The following RASSF6 variants were observed in gnomAD, a reference collection of about 807,000 sequenced individuals.
RASSF6 encodes the protein Ras association domain family member 6.
A neutral mutation model predicts 44.0 loss-of-function variants in RASSF6; 52 were observed. The ratio of observed to expected loss-of-function variants is 1.18; its 90% CI spans 0.95 to 1.49. The LOEUF (loss-of-function observed/expected upper bound fraction) is 1.49. Ranked by LOEUF, RASSF6 falls within the 40% of genes most tolerant of loss-of-function variation. The pLI, the probability that RASSF6 is intolerant of heterozygous loss-of-function variation, is 0.00. For synonymous variants in RASSF6, 162 were observed against 124.6 expected, an observed-to-expected ratio of 1.30 and a Z score of -2.00; for missense variants, 464 against 393.3, an observed-to-expected ratio of 1.18 and a Z score of -1.52.
chr4:73,618,803 A>G (rs954050900), intron 1 of RASSF6, among the ~76,000 whole-genome samples: 3 of 152,202 alleles, frequency 2.0e-5, no homozygotes, highest in African/African-American at 7.2e-5. Flanking sequence ...AAACTCTTTG[A>G]CTGCTTTATT....
chr4:73,603,949 G>C (rs1021964533), intron 2 of RASSF6: 4 of 152,108 alleles, frequency 2.6e-5, no homozygotes, highest in Admixed American at 2.0e-4. Flanking sequence ...TCTTTACAAA[G>C]TGATTCTTAC....
At chr4:73,604,474 AAAAACAAAACAAAAC>A (rs370090909) in intron 2 of RASSF6, 122 of 152,246 alleles carry the variant, frequency 8.0e-4, no homozygotes, top group African/African-American at 2.9e-3. Context: ...TCTGTCTCAA[AAAAACAAAACAAAAC>A]AAAACAAAAC....
At chr4:73,617,454 G>A (rs1004376223) in intron 1 of RASSF6, among the ~76,000 whole-genome samples, 1 of 152,152 alleles carries the variant, frequency 6.6e-6, no homozygotes, top group Non-Finnish European at 1.5e-5. Context: ...GCATCTTCTG[G>A]AATTACTGGT....
Position 73,575,755 on chromosome 4 carries a change from A to G in RASSF6, c.*480T>C, listed in dbSNP as rs545477171. The G allele has an allele frequency of 1.3e-5, 2 of 152,476 alleles. No homozygotes were observed. The highest frequency in any genetic ancestry group is 3.9e-4 in the East Asian group (2 of 5,194). 9.4% of individuals were successfully genotyped at this position (152,476 alleles called of 1,614,324 possible). ...GCCATTTAAGATAGTCCTAGATTTT[A>G]TGAAAATGCCAGAGTTTTCAAGAAG... On this transcript the variant is annotated 3_prime_UTR_variant, in exon 11 of 11. Transcript: ENST00000307439.
At chr4:73,609,815 G>A (rs1481056189) in intron 2 of RASSF6, among the ~76,000 whole-genome samples, 1 of 152,156 alleles carries the variant, frequency 6.6e-6, no homozygotes, top group African/African-American at 2.4e-5. Context: ...TCTGGTGACA[G>A]CCTGGCAGAG....
intron 4 of RASSF6, among the ~76,000 whole-genome samples, chr4:73,588,235 A>G (rs898009395): frequency 6.6e-6 from 1 of 152,088 alleles, no homozygotes; most frequent in African/African-American, 2.4e-5. Flanking sequence ...GAATTAGTAG[A>G]AACCAAGATG....
chr4:73,618,181 TTC>T (rs1449459390), intron 1 of RASSF6, among the ~76,000 whole-genome samples: 1 of 151,518 alleles, frequency 6.6e-6, no homozygotes, highest in Non-Finnish European at 1.5e-5. Context: ...TTTTCTCTCT[TTC>T]TCTCTCTCTC....
intron 8 of RASSF6, among the ~76,000 whole-genome samples, chr4:73,578,699 C>A (rs999088290): frequency 2.6e-5 from 4 of 151,198 alleles, no homozygotes; most frequent in South Asian, 2.1e-4. Flanking sequence ...ACCTCCGCCT[C>A]CTGAGTTCAA....
At chr4:73,590,178 T>C (rs1560447349) in intron 4 of RASSF6, among the ~76,000 whole-genome samples, 1 of 152,172 alleles carries the variant, frequency 6.6e-6, no homozygotes, top group East Asian at 1.9e-4. Context: ...TAACAAGTGG[T>C]CAGAGCTCAA....
chr4:73,594,437 G>A (rs982079912), intron 3 of RASSF6, among the ~76,000 whole-genome samples: 1 of 152,138 alleles, frequency 6.6e-6, no homozygotes, highest in African/African-American at 2.4e-5. Context: ...TCCAGACTCT[G>A]GAATCAGACA....
At chr4:73,593,086 G>T (rs1724681317) in intron 4 of RASSF6, among the ~76,000 whole-genome samples, 1 of 150,588 alleles carries the variant, frequency 6.6e-6, no homozygotes, top group Non-Finnish European at 1.5e-5. Context: ...CGCAATCTCG[G>T]CTCACTGCAA....
At chr4:73,586,624 T>G (rs1724116373) in intron 5 of RASSF6, among the ~76,000 whole-genome samples, 1 of 152,014 alleles carries the variant, frequency 6.6e-6, no homozygotes. Context: ...TTTAAAAAAT[T>G]TTCTACTGTA....
chr4:73,616,107 C>A (rs886353675), intron 1 of RASSF6, among the ~76,000 whole-genome samples: 1 of 152,166 alleles, frequency 6.6e-6, no homozygotes, highest in African/African-American at 2.4e-5. Flanking sequence ...GTGCTAGGCA[C>A]AGAAAGTATA....
intron 2 of RASSF6, among the ~76,000 whole-genome samples, chr4:73,607,252 A>G (rs1316990518): frequency 6.6e-6 from 1 of 152,174 alleles, no homozygotes; most frequent in Non-Finnish European, 1.5e-5. Flanking sequence ...CCACACCGTT[A>G]TGGCAGGTTA....
In RASSF6 at chr4:73,582,184, G is replaced by T. The variant is rs757982104; in HGVS notation, c.669+5C>A. 5 of 1,380,968 alleles carry T rather than the reference G, an allele frequency of 3.6e-6. No individual in the cohort carries two copies. The South Asian group carries it at 3.8e-5, about 10-fold the overall frequency. 85.5% of individuals were successfully genotyped at this position (1,380,968 alleles called of 1,614,324 possible). ...TTTATAGCTCAGTTAAGTGATAAAG[G>T]TTACCTTAAATTTTTGGAGAAGTTG... is the stretch of plus-strand genomic sequence containing the variant. On this transcript the variant is annotated splice_donor_5th_base_variant and intron_variant, in intron 7 of 10. Transcript: ENST00000307439.
chr4:73,608,982 G>T (rs1196311250), intron 2 of RASSF6, among the ~76,000 whole-genome samples: 1 of 152,176 alleles, frequency 6.6e-6, no homozygotes, highest in African/African-American at 2.4e-5. Context: ...CTTGGAAAAA[G>T]AAACTGTTTG....
At position 73,578,786 on chromosome 4, in the gene RASSF6, A is replaced by G. The variant is rs529438201; in HGVS notation, c.722-2055T>C. Reference sequence around the variant, plus strand: ...ACCACACCTGGCTAATTTTTTTGGTATTTTTAGTAAAGACGGGGTTTCACC... The same window carrying G: ...ACCACACCTGGCTAATTTTTTTGGTGTTTTTAGTAAAGACGGGGTTTCACC... On this transcript the variant is annotated intron_variant, in intron 8 of 10. Coordinates refer to ENST00000307439, the MANE Select transcript of RASSF6 (RefSeq NM_177532.5). Among the ~76,000 whole-genome samples, 37 of 151,766 alleles carry G rather than the reference A, an allele frequency of 2.4e-4. No individual in the cohort carries two copies. The South Asian group carries it at 6.9e-3, about 28-fold the overall frequency.
intron 8 of RASSF6, among the ~76,000 whole-genome samples, chr4:73,578,708 A>C (rs1278652365): frequency 6.6e-6 from 1 of 151,222 alleles, no homozygotes; most frequent in Non-Finnish European, 1.5e-5. Context: ...TCCTGAGTTC[A>C]AGCGATTCTC....
intron 1 of RASSF6, among the ~76,000 whole-genome samples, chr4:73,614,567 A>G (rs1334941913): frequency 2.0e-5 from 3 of 152,240 alleles, no homozygotes; most frequent in Non-Finnish European, 1.5e-5. Context: ...TCTTATAATT[A>G]CAAAGTGAAA....
Sources: gnomAD v4.1 joint callset for allele counts (sites outside exome capture counted in the v4.1 genomes callset) on GRCh38, gnomAD v4.1.1 for gene constraint, MANE v1.5 for transcripts, NCBI Gene and HGNC (gene_info 2026-07-23, HGNC 2026-07-21) for gene names.